KCNH8: variants seen among roughly 807,000 people sequenced by gnomAD.
KCNH8 encodes the protein potassium voltage-gated channel subfamily H member 8.
Under a neutral mutation model 103.6 loss-of-function variants are expected in KCNH8, and 70 were observed. That is an observed-to-expected ratio of 0.68 (90% confidence interval 0.56 to 0.82). KCNH8 has a LOEUF of 0.82. Ranked by LOEUF, KCNH8 falls within the 40% of genes least tolerant of loss-of-function variation. The pLI is 0.00. For missense variants in KCNH8, 1,217 were observed against 1,329.9 expected, an observed-to-expected ratio of 0.92 and a Z score of 1.32; for synonymous variants, 498 against 489.4, an observed-to-expected ratio of 1.02 and a Z score of -0.23.
chr3:19,342,503 C>A, intron 3 of KCNH8, 84 bp from the exon 4 acceptor site: 1 of 1,363,062 alleles, frequency 7.3e-7, no homozygotes, highest in Non-Finnish European at 9.9e-7. Context: ...GTACAATATG[C>A]TCTTGAAAGG....
chr3:19,510,623 G>C (rs547862362), intron 12 of KCNH8, among the ~76,000 whole-genome samples: 71 of 152,290 alleles, frequency 4.7e-4, no homozygotes, highest in African/African-American at 1.6e-3. Flanking sequence ...TTATAAAGCA[G>C]TTTGTTACCA....
At chr3:19,462,627 C>A (rs1056939309) in intron 11 of KCNH8, among the ~76,000 whole-genome samples, 1 of 152,144 alleles carries the variant, frequency 6.6e-6, no homozygotes, top group Non-Finnish European at 1.5e-5. Flanking sequence ...TTTTGCTGTG[C>A]AGAAGCTCTC....
intron 3 of KCNH8, among the ~76,000 whole-genome samples, chr3:19,290,889 G>A (rs1033153596): frequency 1.3e-5 from 2 of 152,034 alleles, no homozygotes; most frequent in African/African-American, 2.4e-5. Context: ...TTTTTTGGTT[G>A]GTAAGCTATT....
intron 5 of KCNH8, among the ~76,000 whole-genome samples, chr3:19,379,887 C>T (rs2066265884): frequency 1.3e-5 from 2 of 152,110 alleles, no homozygotes; most frequent in Admixed American, 1.3e-4. Flanking sequence ...AATTTGGTTT[C>T]ATCCATATTG....
rs937720099 is a variant in KCNH8 at position 19,349,156 on chromosome 3, G to A, written c.811+1191G>A. On this transcript the variant is annotated intron_variant, in intron 5 of 15. Transcript: ENST00000328405. ...GGCAATGTTGTCTAGTTAGGCAGAC[G>A]GCAATTTTATTTTTAATTTTTTTAT... 2.6e-5 allele frequency among the ~76,000 whole-genome samples: 4 copies of A among 151,764 alleles called. No individual in the cohort carries two copies. In the East Asian group the frequency reaches 5.8e-4, roughly 22 times the overall value.
chr3:19,383,134 T>A (rs1049400746), intron 5 of KCNH8, among the ~76,000 whole-genome samples: 3 of 152,070 alleles, frequency 2.0e-5, no homozygotes, highest in African/African-American at 4.8e-5. Flanking sequence ...TTCCAGGAGA[T>A]AAGGAGCCAT....
chr3:19,197,251 C>G (rs1470945718), intron 1 of KCNH8, among the ~76,000 whole-genome samples: 1 of 151,990 alleles, frequency 6.6e-6, no homozygotes, highest in Non-Finnish European at 1.5e-5. Flanking sequence ...CCCTCTATAC[C>G]CTCCAATATT....
intron 5 of KCNH8, among the ~76,000 whole-genome samples, chr3:19,374,711 A>G (rs1202475067): frequency 2.0e-5 from 3 of 151,820 alleles, no homozygotes; most frequent in African/African-American, 7.3e-5. Flanking sequence ...GATGGTCTTT[A>G]CATTTTGGCA....
At chr3:19,455,364 T>C (rs1427368256) in intron 10 of KCNH8, among the ~76,000 whole-genome samples, 1 of 152,156 alleles carries the variant, frequency 6.6e-6, no homozygotes, top group Non-Finnish European at 1.5e-5. Flanking sequence ...AAGTTATAGC[T>C]CTAACCTGGG....
At chr3:19,469,926 T>C (rs910450743) in intron 11 of KCNH8, among the ~76,000 whole-genome samples, 13 of 152,140 alleles carry the variant, frequency 8.5e-5, no homozygotes, top group Admixed American at 8.5e-4. Flanking sequence ...GACTGGACTC[T>C]ACTGGACTCC....
At chr3:19,532,827 G>A (rs1355341819) in intron 15 of KCNH8, among the ~76,000 whole-genome samples, 3 of 152,166 alleles carry the variant, frequency 2.0e-5, no homozygotes, top group Non-Finnish European at 2.9e-5. Flanking sequence ...GATGTCTTTA[G>A]ATCAGGATGT....
At chr3:19,527,633 T>C (rs890222301) in intron 15 of KCNH8, among the ~76,000 whole-genome samples, 3 of 152,082 alleles carry the variant, frequency 2.0e-5, no homozygotes, top group Non-Finnish European at 2.9e-5. Flanking sequence ...CAACAGAAGT[T>C]CTGAGGAAAC....
At chr3:19,413,550 TGAAAA>T (rs2066815808) in intron 7 of KCNH8, among the ~76,000 whole-genome samples, 2 of 151,854 alleles carry the variant, frequency 1.3e-5, no homozygotes. Flanking sequence ...AAATAAAAGT[TGAAAA>T]AGAAAACAAG....
At position 19,239,640 on chromosome 3, in the gene KCNH8, A is replaced by ATCTG. The variant is rs1488317873; in HGVS notation, c.77-14011_77-14010insGTCT. Among the ~76,000 whole-genome samples the ATCTG allele has an allele frequency of 5.5e-5, 4 of 72,954 alleles. No individual in the cohort carries two copies. In the East Asian group the frequency reaches 1.9e-3, roughly 34 times the overall value. The allele number at this position is 72,954 out of a possible 152,430, so 47.9% of individuals were successfully genotyped here. A position where few individuals can be genotyped will look rare whatever the true frequency, so the allele number is the denominator to read the frequency against. On this transcript the variant is annotated intron_variant, in intron 1 of 15. Transcript: ENST00000328405. ...TGAGGAAAGTAGAATGATGGAATCT[A>ATCTG]TCTATCTATCTATCTATCTATCTAT...
chr3:19,190,372 A>G (rs892993995), intron 1 of KCNH8, among the ~76,000 whole-genome samples: 6 of 151,938 alleles, frequency 3.9e-5, no homozygotes, highest in African/African-American at 1.4e-4. Context: ...TGCCTCAGTA[A>G]ATGTAGTTCT....
chr3:19,474,644 A>C (rs1423565219), intron 11 of KCNH8, among the ~76,000 whole-genome samples: 1 of 152,190 alleles, frequency 6.6e-6, no homozygotes, highest in Non-Finnish European at 1.5e-5. Context: ...AGGTCATTGA[A>C]GAAAATAATT....
At chr3:19,373,447 C>T (rs1161861725) in intron 5 of KCNH8, among the ~76,000 whole-genome samples, 2 of 151,968 alleles carry the variant, frequency 1.3e-5, no homozygotes, top group African/African-American at 2.4e-5. Context: ...TTTGTGGGAT[C>T]GGTGGTTATG....
At chr3:19,465,298 C>G (rs1434091043) in intron 11 of KCNH8, among the ~76,000 whole-genome samples, 1 of 152,126 alleles carries the variant, frequency 6.6e-6, no homozygotes, top group Non-Finnish European at 1.5e-5. Flanking sequence ...TATGCTAAAT[C>G]TTTTCTGCCT....
intron 11 of KCNH8, among the ~76,000 whole-genome samples, chr3:19,483,634 G>A (rs1354797634): frequency 6.6e-6 from 1 of 152,014 alleles, no homozygotes; most frequent in South Asian, 2.1e-4. Context: ...AAATTTCTTG[G>A]GTTTTTTTTG....
Sources: allele counts gnomAD v4.1 joint callset (sites outside exome capture counted in the v4.1 genomes callset), GRCh38; gene constraint gnomAD v4.1.1; transcripts MANE v1.5; gene names NCBI Gene and HGNC (gene_info 2026-07-23, HGNC 2026-07-21).